Variants in LRRC37A2 observed in about 807,000 individuals in gnomAD.
LRRC37A2 encodes leucine rich repeat containing 37 member A2.
LRRC37A2 carries 9 observed loss-of-function variants against 68.8 expected under a neutral mutation model. The ratio of observed to expected loss-of-function variants is 0.13; its 90% confidence interval spans 0.08 to 0.23. LRRC37A2 has a LOEUF of 0.23. LRRC37A2 is among the 10% of genes least tolerant of loss of function. The pLI is 1.00. For missense variants in LRRC37A2, 168 were observed against 950.4 expected (o/e 0.18, Z 10.82); for synonymous variants, 63 against 367.6 (o/e 0.17, Z 9.48).
At chr17:46,845,485 AT>A in the LRRC37A2 span, among the ~76,000 whole-genome samples, 9,384 of 121,338 alleles carry the variant, frequency 0.077, 194 homozygotes, top group Non-Finnish European at 0.089. Flanking sequence ...AGTTATCTGA[AT>A]TTTTTTTTTT....
At chr17:46,880,558 G>A in the LRRC37A2 span, among the ~76,000 whole-genome samples, 1 of 152,184 alleles carries the variant, frequency 6.6e-6, no homozygotes. Flanking sequence ...CCAGTTATTT[G>A]CATTTACTTT....
At chr17:46,877,588 C>T in the LRRC37A2 span, among the ~76,000 whole-genome samples, 181 of 152,242 alleles carry the variant, frequency 1.2e-3, no homozygotes, top group African/African-American at 4.2e-3. Context: ...ATCTTCACTC[C>T]CAGCGCAGAG....
chr17:46,386,102 T>A, the LRRC37A2 span, among the ~76,000 whole-genome samples: 2 of 125,252 alleles, frequency 1.6e-5, no homozygotes, highest in African/African-American at 5.5e-5. Flanking sequence ...TTCTAGATAA[T>A]TTTTTTTTGG....
the LRRC37A2 span, chr17:46,773,837 C>T: frequency 6.2e-7 from 1 of 1,613,170 alleles, no homozygotes; most frequent in Non-Finnish European, 8.5e-7. Flanking sequence ...GCTTGGGGAC[C>T]AGGCCTGGGA....
the LRRC37A2 span, among the ~76,000 whole-genome samples, chr17:46,804,837 A>G: frequency 2.0e-5 from 3 of 152,142 alleles, no homozygotes; most frequent in African/African-American, 7.2e-5. Flanking sequence ...TGTAAAATGG[A>G]CCAATCAGCA....
At chr17:46,785,480 C>A in the LRRC37A2 span, among the ~76,000 whole-genome samples, 4 of 152,258 alleles carry the variant, frequency 2.6e-5, no homozygotes, top group African/African-American at 7.2e-5. Context: ...TCCTTCCCCT[C>A]CGACAGGAGC....
At chr17:46,580,346 A>G in the LRRC37A2 span, among the ~76,000 whole-genome samples, 1 of 151,998 alleles carries the variant, frequency 6.6e-6, no homozygotes, top group Non-Finnish European at 1.5e-5. Context: ...TAAAAAGGTT[A>G]CAAACGCCTG....
the LRRC37A2 span, among the ~76,000 whole-genome samples, chr17:46,866,341 G>A: frequency 6.6e-6 from 1 of 152,094 alleles, no homozygotes; most frequent in African/African-American, 2.4e-5. Flanking sequence ...GGAGGGGCTA[G>A]GGGTGTGTGA....
the LRRC37A2 span, chr17:46,769,714 C>T: frequency 1.2e-5 from 19 of 1,587,116 alleles, no homozygotes; most frequent in Non-Finnish European, 1.6e-5. Context: ...GAGGTGGGGG[C>T]CAGGGCAGCT....
chr17:46,875,322 C>T, the LRRC37A2 span: 1 of 1,613,156 alleles, frequency 6.2e-7, no homozygotes, highest in African/African-American at 1.3e-5. Context: ...AAACAAGGAC[C>T]TGCGGGCACG....
chr17:46,900,184 T>TACAC, the LRRC37A2 span, among the ~76,000 whole-genome samples: 3 of 122,198 alleles, frequency 2.5e-5, no homozygotes, highest in African/African-American at 1.3e-4. Context: ...TATATATATA[T>TACAC]ATATATATAT....
the LRRC37A2 span, among the ~76,000 whole-genome samples, chr17:46,811,496 G>A: frequency 6.6e-6 from 1 of 152,200 alleles, no homozygotes; most frequent in Non-Finnish European, 1.5e-5. Context: ...GCTGCCTAAC[G>A]CTGAAGAACC....
At chr17:46,837,982 A>G in the LRRC37A2 span, among the ~76,000 whole-genome samples, 1 of 152,146 alleles carries the variant, frequency 6.6e-6, no homozygotes, top group South Asian at 2.1e-4. Flanking sequence ...CCACGTGTAC[A>G]TCACCGTCTT....
the LRRC37A2 span, among the ~76,000 whole-genome samples, chr17:46,842,335 G>T: frequency 2.6e-5 from 4 of 152,154 alleles, no homozygotes; most frequent in South Asian, 8.3e-4. Context: ...AGGGGCTGCT[G>T]CTCTACAACC....
chr17:46,840,890 G>T, the LRRC37A2 span, among the ~76,000 whole-genome samples: 2 of 152,296 alleles, frequency 1.3e-5, no homozygotes, highest in East Asian at 1.9e-4. Flanking sequence ...GTAGATTCTG[G>T]ATATTAGCCC....
chr17:46,938,574 T>G, the LRRC37A2 span: 70 of 1,613,784 alleles, frequency 4.3e-5, no homozygotes, highest in Non-Finnish European at 5.3e-5. Context: ...ATGTTTGTTT[T>G]TTTTTCTGTT....
At chr17:46,759,595 A>AGCTGCACTGACTTCACTCGC in the LRRC37A2 span, among the ~76,000 whole-genome samples, 2 of 152,250 alleles carry the variant, frequency 1.3e-5, no homozygotes, top group Non-Finnish European at 2.9e-5. Flanking sequence ...AGCAATGCGT[A>AGCTGCACTGACTTCACTCGC]GCTGCACTGA....
the LRRC37A2 span, among the ~76,000 whole-genome samples, chr17:47,015,155 G>A: frequency 4.0e-5 from 6 of 151,624 alleles, no homozygotes; most frequent in Non-Finnish European, 8.8e-5. Flanking sequence ...TTATAGACAC[G>A]CGTCACCACA....
chr17:46,837,144 T>C, the LRRC37A2 span, among the ~76,000 whole-genome samples: 5 of 152,298 alleles, frequency 3.3e-5, no homozygotes, highest in Non-Finnish European at 7.4e-5. Context: ...GGTTTCACCA[T>C]GTTGGCCAGG....
Sources: gnomAD v4.1 joint callset for allele counts (sites outside exome capture counted in the v4.1 genomes callset) on GRCh38, gnomAD v4.1.1 for gene constraint, MANE v1.5 for transcripts, NCBI Gene and HGNC (gene_info 2026-07-23, HGNC 2026-07-21) for gene names.